GPBP1: variants seen among roughly 807,000 people sequenced by gnomAD.
GPBP1 encodes the protein GC-rich promoter binding protein 1, also known as vasculin.
A neutral mutation model predicts 56.5 loss-of-function variants in GPBP1; 13 were observed. The ratio of observed to expected loss-of-function variants is 0.23; its 90% CI spans 0.15 to 0.37. GPBP1 has a LOEUF of 0.37. Among genes scored for constraint, GPBP1 ranks in the 10% least tolerant of loss-of-function variants. The probability of loss-of-function intolerance (pLI) is 1.00; values close to 1 mark genes in which losing one functional copy is unlikely to be tolerated. For synonymous variants in GPBP1, 204 were observed against 188.9 expected (o/e 1.08, Z -0.66); for missense variants, 477 against 572.3 (o/e 0.83, Z 1.70).
intron 2 of GPBP1, among the ~76,000 whole-genome samples, chr5:57,186,461 A>G (rs185293524): frequency 1.3e-5 from 2 of 152,116 alleles, no homozygotes; most frequent in East Asian, 1.9e-4. Context: ...GCCTAACCCA[A>G]GGTCATAGAG....
At chr5:57,235,076 G>A (rs1349912221) in intron 5 of GPBP1, among the ~76,000 whole-genome samples, 3 of 152,158 alleles carry the variant, frequency 2.0e-5, no homozygotes, top group African/African-American at 4.8e-5. Context: ...GGAGGCAGAG[G>A]CAGGTGGATC....
Position 57,228,941 on chromosome 5 carries a change from T to G in GPBP1, c.64-1905T>G, listed in dbSNP as rs1756317414. ...TGTTTTCTAACCCAGTAATGAATAA[T>G]TGTCTGGGCTGAGTGCAGTGGCTCA... On this transcript the variant is annotated intron_variant, in intron 3 of 11. Transcript: ENST00000506184. Among the ~76,000 whole-genome samples, 4 of 152,052 alleles carry G rather than the reference T, an allele frequency of 2.6e-5. No individual in the cohort carries two copies. In the South Asian group the frequency reaches 8.3e-4, roughly 32 times the overall value.
At chr5:57,191,005 G>A (rs368358078) in intron 2 of GPBP1, among the ~76,000 whole-genome samples, 2 of 151,932 alleles carry the variant, frequency 1.3e-5, no homozygotes, top group Non-Finnish European at 2.9e-5. Context: ...TGAACTCTGG[G>A]GTTCAAGTGA....
At chr5:57,242,680 A>C (rs562047470) in intron 6 of GPBP1, among the ~76,000 whole-genome samples, 115 of 152,236 alleles carry the variant, frequency 7.6e-4, no homozygotes, top group Non-Finnish European at 7.8e-4. Context: ...CCTGGGCTCA[A>C]GTGATCCATC....
intron 2 of GPBP1, among the ~76,000 whole-genome samples, chr5:57,201,330 C>G (rs1239294948): frequency 6.6e-6 from 1 of 151,976 alleles, no homozygotes; most frequent in Non-Finnish European, 1.5e-5. Flanking sequence ...TTAATTGATG[C>G]ATTGCTGCCC....
chr5:57,244,875 A>G (rs1471790281), intron 6 of GPBP1, among the ~76,000 whole-genome samples: 1 of 151,852 alleles, frequency 6.6e-6, no homozygotes, highest in Non-Finnish European at 1.5e-5. Flanking sequence ...CTGGGATTAT[A>G]GGCACATGCC....
rs967060761 is a variant in GPBP1 at position 57,175,632 on chromosome 5, A to T, written c.-826A>T. 1 of 396,926 alleles carries T rather than the reference A, an allele frequency of 2.5e-6. No homozygotes were observed. Among genetic ancestry groups the T allele is most frequent in the Admixed American group, 4.4e-5 (1 of 22,682 alleles). The allele number at this position is 396,926 out of a possible 1,614,324, so 24.6% of individuals were successfully genotyped here. ...AGTGAACAATTCAGCAAGCTACTTAAAAAGAGACCCAGGCAGCATTTCTTC... is the reference window on the plus strand; with the variant it reads ...AGTGAACAATTCAGCAAGCTACTTATAAAGAGACCCAGGCAGCATTTCTTC... On this transcript the variant is annotated 5_prime_UTR_variant, in exon 2 of 12. Transcript: ENST00000506184.
chr5:57,228,588 A>AG (rs397778877), intron 3 of GPBP1, among the ~76,000 whole-genome samples: 2 of 88 alleles, frequency 0.023, no homozygotes, highest in Non-Finnish European at 0.036. Flanking sequence ...TGGCTTGGGC[A>AG]TATAGATCTG....
intron 2 of GPBP1, among the ~76,000 whole-genome samples, chr5:57,186,438 C>G (rs75597072): frequency 6.6e-6 from 1 of 151,636 alleles, no homozygotes; most frequent in Non-Finnish European, 1.5e-5. Flanking sequence ...CTTTTGTGTC[C>G]TAAGAAATCA....
Position 57,187,746 on chromosome 5 carries a change from A to C in GPBP1, c.-58+11346A>C, listed in dbSNP as rs528304343. On this transcript the variant is annotated intron_variant, in intron 2 of 11. Transcript: ENST00000506184. ...ATGCTAAATGCTTTGAAATTGTAAAATAATACAGACAGTGGTGTTGTGGCT... is the reference window on the plus strand; with the variant it reads ...ATGCTAAATGCTTTGAAATTGTAAACTAATACAGACAGTGGTGTTGTGGCT... 5.9e-5 allele frequency among the ~76,000 whole-genome samples: 9 copies of C among 152,212 alleles called. No homozygotes were observed. The South Asian group carries it at 1.9e-3, about 32-fold the overall frequency.
chr5:57,231,388 C>T lies in GPBP1; in HGVS notation c.411+67C>T, dbSNP rs761648376. ...GTGCTATTTTAAGTGATTCTCCTGC[C>T]TCAGCCTCTCCAGTATCTGGGATTA... On this transcript the variant is annotated intron_variant, in intron 5 of 11. Coordinates refer to ENST00000506184, the MANE Select transcript of GPBP1 (RefSeq NM_022913.4). The T allele has an allele frequency of 3.1e-5, 39 of 1,249,530 alleles. 1 individual carries two copies. In the South Asian group the frequency reaches 4.9e-4, roughly 16 times the overall value. 77.4% of individuals were successfully genotyped at this position (1,249,530 alleles called of 1,614,324 possible).
chr5:57,203,258 T>C (rs1755094557), intron 2 of GPBP1, among the ~76,000 whole-genome samples: 1 of 152,228 alleles, frequency 6.6e-6, no homozygotes. Context: ...CATACATTTA[T>C]AGCAGTTTTC....
intron 2 of GPBP1, among the ~76,000 whole-genome samples, chr5:57,200,659 G>T (rs548616683): frequency 6.6e-6 from 1 of 151,824 alleles, no homozygotes; most frequent in African/African-American, 2.4e-5. Context: ...CAGCCACTGC[G>T]CCTGGCCTGA....
chr5:57,216,020 T>C (rs761778391), intron 3 of GPBP1, among the ~76,000 whole-genome samples: 6 of 152,196 alleles, frequency 3.9e-5, no homozygotes, highest in Non-Finnish European at 7.3e-5. Context: ...GGTGGAGCAA[T>C]AGCCTGAATC....
At chr5:57,214,885 C>T (rs921641976) in intron 3 of GPBP1, among the ~76,000 whole-genome samples, 1 of 152,170 alleles carries the variant, frequency 6.6e-6, no homozygotes, top group African/African-American at 2.4e-5. Context: ...TGGTCTCTAA[C>T]GCCTGACGTT....
intron 5 of GPBP1, among the ~76,000 whole-genome samples, chr5:57,231,807 A>T (rs1199517152): frequency 1.3e-5 from 2 of 152,152 alleles, no homozygotes; most frequent in Non-Finnish European, 2.9e-5. Flanking sequence ...TACTGGATTG[A>T]GATAGGCAAA....
At chr5:57,261,908 G>GGTCT (rs1258854738) in intron 11 of GPBP1, among the ~76,000 whole-genome samples, 2 of 152,000 alleles carry the variant, frequency 1.3e-5, no homozygotes, top group Non-Finnish European at 2.9e-5. Flanking sequence ...AAAGAGTTGG[G>GGTCT]GTCTCACTCT....
chr5:57,252,371 G>C (rs1057293454), intron 10 of GPBP1, among the ~76,000 whole-genome samples: 2 of 151,964 alleles, frequency 1.3e-5, no homozygotes, highest in African/African-American at 2.4e-5. Context: ...CCTTTCCCAC[G>C]TGGACAGCGA....
chr5:57,235,637 A>ATTC (rs1756630642), intron 5 of GPBP1, among the ~76,000 whole-genome samples: 1 of 152,188 alleles, frequency 6.6e-6, no homozygotes, highest in Non-Finnish European at 1.5e-5. Context: ...TTTATGAGTA[A>ATTC]TTCATGTTTA....
Sources: allele counts gnomAD v4.1 joint callset (sites outside exome capture counted in the v4.1 genomes callset), GRCh38; gene constraint gnomAD v4.1.1; transcripts MANE v1.5; gene names NCBI Gene and HGNC (gene_info 2026-07-23, HGNC 2026-07-21).